HNRNPH3: variants seen among roughly 807,000 people sequenced by gnomAD.
HNRNPH3 encodes heterogeneous nuclear ribonucleoprotein H3.
Under a neutral mutation model 47.0 loss-of-function variants are expected in HNRNPH3, and 7 were observed. That is an observed-to-expected ratio of 0.15 (90% CI 0.08 to 0.28). The LOEUF is 0.28. Ranked by LOEUF, HNRNPH3 falls within the 10% of genes least tolerant of loss-of-function variation. The pLI is 1.00. For synonymous variants in HNRNPH3, 120 were observed against 143.2 expected (o/e 0.84, Z 1.16); for missense variants, 279 against 449.6 (o/e 0.62, Z 3.43).
At chr10:68,339,380 T>C (rs1564753198) in intron 5 of HNRNPH3, 60 bp from the exon 6 acceptor site, 23 of 1,516,234 alleles carry the variant, frequency 1.5e-5, no homozygotes, top group Non-Finnish European at 1.9e-5. Flanking sequence ...ATAGTATGTA[T>C]GTATACTTCC....
At position 68,342,818 on chromosome 10, in the gene HNRNPH3, C is replaced by A. The variant is rs1280001575; in HGVS notation, c.*764C>A. The A allele has an allele frequency of 6.6e-6, 1 of 152,462 alleles. No homozygotes were observed. 9.4% of individuals were successfully genotyped at this position (152,462 alleles called of 1,614,324 possible). On this transcript the variant is annotated 3_prime_UTR_variant, in exon 10 of 10. Transcript: ENST00000265866. Reference sequence around the variant, plus strand: ...TAAGGTTCTCAGTGACACAAGAATTCAGTATTAAGTACATAGGTATTTACT... The same window carrying A: ...TAAGGTTCTCAGTGACACAAGAATTAAGTATTAAGTACATAGGTATTTACT...
At chr10:68,335,882 A>T (rs749868443) in intron 1 of HNRNPH3, among the ~76,000 whole-genome samples, 2 of 152,190 alleles carry the variant, frequency 1.3e-5, no homozygotes, top group African/African-American at 2.4e-5. Context: ...GTGCATAACA[A>T]GTAGTTGTAA....
rs1424454324 is a variant in HNRNPH3, at chr10:68,343,186, A to AGAT, written c.*1133_*1135dup. 6.6e-6 allele frequency: 1 copy of AGAT among 152,162 alleles called. No homozygotes were observed. The highest frequency in any genetic ancestry group is 1.5e-5 in the Non-Finnish European group (1 of 68,030). The allele number at this position is 152,162 out of a possible 1,614,324, so 9.4% of individuals were successfully genotyped here. A position where few individuals can be genotyped will look rare whatever the true frequency, so the allele number is the denominator to read the frequency against. On this transcript the variant is annotated 3_prime_UTR_variant, in exon 10 of 10. Coordinates refer to ENST00000265866, the MANE Select transcript of HNRNPH3 (RefSeq NM_012207.3). ...TGTTATTAATAAATGTCATTGTGGG[A>AGAT]GATAATAGTATGGCGTCTGTCCTAG...
In HNRNPH3 at chr10:68,338,651, G is replaced by A. The variant is rs756561116; in HGVS notation, c.400G>A (p.Asp134Asn). 2 of 1,605,584 alleles carry A rather than the reference G, an allele frequency of 1.2e-6. No homozygotes were observed. Among genetic ancestry groups the A allele is most frequent in the Non-Finnish European group, 1.7e-6 (2 of 1,176,154 alleles). The change falls in exon 4 of 10, where the codon GAC (aspartate) becomes AAC (asparagine). Residue 134 changes from aspartate to asparagine, a missense_variant. By Grantham distance (23) the Asp-to-Asn change is conservative. Transcript: ENST00000265866. ...TGGAGCTGGGCGTGGAAGTATGTATGACAGAATGCGACGAGGAGGTGATGG... is the reference window on the plus strand; with the variant it reads ...TGGAGCTGGGCGTGGAAGTATGTATAACAGAATGCGACGAGGAGGTGATGG... Reference protein sequence around the residue: ...YYGAGRGSMYDRMRRGGDGYD... With the variant: ...YYGAGRGSMYNRMRRGGDGYD...
chr10:68,332,434 A>G (rs934621440), intron 1 of HNRNPH3, among the ~76,000 whole-genome samples: 1 of 152,162 alleles, frequency 6.6e-6, no homozygotes, highest in Non-Finnish European at 1.5e-5. Context: ...AATTCAGTGG[A>G]CGACGCCGAG....
At chr10:68,341,044 G>C in intron 6 of HNRNPH3, 130 bp from the exon 7 acceptor site, 1 of 615,364 alleles carries the variant, frequency 1.6e-6, no homozygotes, top group East Asian at 2.9e-5. Context: ...AACCTCTGTA[G>C]TTGACTAAGT....
rs148334349 is a variant in HNRNPH3 at position 68,339,574 on chromosome 10, CTA to C, written c.639+21_639+22del. 10,485 of 1,455,622 alleles carry C rather than the reference CTA, an allele frequency of 7.2e-3. 556 individuals are homozygous for C. In the African/African-American group the frequency reaches 0.12, roughly 17 times the overall value. 90.2% of individuals were successfully genotyped at this position (1,455,622 alleles called of 1,614,324 possible). A position where few individuals can be genotyped will look rare whatever the true frequency, so the allele number is the denominator to read the frequency against. ...TGCTAATGTGAGTAATTTTTAATAA[CTA>C]TTAGTGGTTTTATACTTATCCTGGT... On this transcript the variant is annotated intron_variant, in intron 6 of 9. Coordinates refer to ENST00000265866, the MANE Select transcript of HNRNPH3 (RefSeq NM_012207.3).
intron 1 of HNRNPH3, among the ~76,000 whole-genome samples, chr10:68,333,990 G>A (rs1415035364): frequency 6.6e-6 from 1 of 152,034 alleles, no homozygotes; most frequent in Non-Finnish European, 1.5e-5. Flanking sequence ...TCTTTTTTCT[G>A]TCCTCTTTTC....
intron 1 of HNRNPH3, chr10:68,332,844 G>C (rs2134620338): frequency 6.6e-6 from 1 of 152,500 alleles, no homozygotes; most frequent in South Asian, 2.1e-4. Context: ...AGAGGCTGGA[G>C]CTGGGGGAGG....
chr10:68,341,559 T>G (rs754642956), intron 7 of HNRNPH3, 26 bp from the exon 8 acceptor site: 5 of 1,445,714 alleles, frequency 3.5e-6, no homozygotes, highest in Non-Finnish European at 3.8e-6. Flanking sequence ...CTTTCTCCCC[T>G]GTTACTCTTT....
intron 7 of HNRNPH3, 43 bp from the exon 8 acceptor site, chr10:68,341,542 A>T: frequency 7.5e-7 from 1 of 1,334,030 alleles, no homozygotes; most frequent in Non-Finnish European, 1.1e-6. Flanking sequence ...AATTTTATCC[A>T]TCATTCCTTT....
rs1364229080 is a variant in HNRNPH3 at position 68,338,485 on chromosome 10, T to G, written c.252-18T>G. On this transcript the variant is annotated intron_variant, in intron 3 of 9. Transcript: ENST00000265866. ...TACATTTATGCTGAAACCTGTACCT[T>G]AAAACATTTTTAAATAGGTATATTG... 1 of 1,546,800 alleles carries G rather than the reference T, an allele frequency of 6.5e-7. No homozygotes were observed. The highest frequency in any genetic ancestry group is 1.8e-5 in the Admixed American group (1 of 55,698).
Position 68,338,610 on chromosome 10 carries a change from G to A in HNRNPH3, c.359G>A (p.Gly120Glu). 4 of 1,613,304 alleles carry A rather than the reference G, an allele frequency of 2.5e-6. No homozygotes were observed. The highest frequency in any genetic ancestry group is 3.4e-6 in the Non-Finnish European group (4 of 1,179,568). The part of the protein sequence containing the change: ...RPGPYDRPIG[G>E]RGGYYGAGRG... ...GGACCATATGATAGACCAATAGGAG[G>A]AAGAGGGGGTTATTATGGAGCTGGG... is the stretch of plus-strand genomic sequence containing the variant. The change falls in exon 4 of 10, where the codon GGA becomes GAA. Residue 120 changes from glycine (G) to glutamate (E), a missense_variant. Physicochemically the swap from Gly to Glu is moderately conservative, Grantham distance 98. Coordinates refer to ENST00000265866, the MANE Select transcript of HNRNPH3 (RefSeq NM_012207.3).
chr10:68,334,752 T>G (rs922237274), intron 1 of HNRNPH3, among the ~76,000 whole-genome samples: 3 of 152,198 alleles, frequency 2.0e-5, no homozygotes, highest in African/African-American at 7.2e-5. Context: ...GTGGTATCTT[T>G]TATTGGTACT....
rs1392281404 is a variant in HNRNPH3, at chr10:68,339,136, A to C, written c.437-4A>C. 6 of 1,592,252 alleles carry C rather than the reference A, an allele frequency of 3.8e-6. No homozygotes were observed. The highest frequency in any genetic ancestry group is 5.1e-6 in the Non-Finnish European group (6 of 1,166,304). On this transcript the variant is annotated splice_region_variant and splice_polypyrimidine_tract_variant and intron_variant, in intron 4 of 9. Transcript: ENST00000265866. ...AGTCATGTGTTTCTCCTTAAATTAC[A>C]CAGGTTATGGAGGTTTTGATGACTA...
intron 6 of HNRNPH3, among the ~76,000 whole-genome samples, chr10:68,340,697 C>G (rs936085142): frequency 3.3e-5 from 5 of 152,184 alleles, no homozygotes. Context: ...GTGATTAGAA[C>G]CAAATGATAT....
Position 68,342,996 on chromosome 10 carries a change from G to A in HNRNPH3, c.*942G>A, listed in dbSNP as rs954225435. 3 of 152,118 alleles carry A rather than the reference G, an allele frequency of 2.0e-5. No homozygotes were observed. Among genetic ancestry groups the A allele is most frequent in the Admixed American group, 2.0e-4 (3 of 15,266 alleles). The allele number at this position is 152,118 out of a possible 1,614,324, so 9.4% of individuals were successfully genotyped here. Reference sequence around the variant, plus strand: ...CAGTTGGGTTTTGTATCTGATCCCTGCTTGGAGTTTTAGTTTAAAGAATCT... The same window carrying A: ...CAGTTGGGTTTTGTATCTGATCCCTACTTGGAGTTTTAGTTTAAAGAATCT... On this transcript the variant is annotated 3_prime_UTR_variant, in exon 10 of 10. Transcript: ENST00000265866.
Position 68,337,097 on chromosome 10 carries a change from T to A in HNRNPH3, c.-23-102T>A. ...CATTGTCACAGCAGTTGGCCCCATG[T>A]TACATTTCCTCTTGTGGCACCTCTG... On this transcript the variant is annotated intron_variant, in intron 1 of 9. Transcript: ENST00000265866. This position sits in a 1 kb window ranked among gnomAD's most constrained non-coding sequence, Gnocchi z 4.5. The A allele has an allele frequency of 1.7e-6, 1 of 577,608 alleles. No individual in the cohort carries two copies. Among genetic ancestry groups the A allele is most frequent in the Non-Finnish European group, 3.1e-6 (1 of 323,330 alleles). 35.8% of individuals were successfully genotyped at this position (577,608 alleles called of 1,614,324 possible).
chr10:68,332,100 C>T lies in HNRNPH3; in HGVS notation c.-140C>T, dbSNP rs969732792. 3 of 152,352 alleles carry T rather than the reference C, an allele frequency of 2.0e-5. No individual in the cohort carries two copies. The highest frequency in any genetic ancestry group is 4.4e-5 in the Non-Finnish European group (3 of 68,122). 9.4% of individuals were successfully genotyped at this position (152,352 alleles called of 1,614,324 possible). ...TGCGCAGCTCCCTAAGCGGTTGTCA[C>T]CGCTGGAGACGGTTGGGAGAACCGT... On this transcript the variant is annotated 5_prime_UTR_variant, in exon 1 of 10. Coordinates refer to ENST00000265866, the MANE Select transcript of HNRNPH3 (RefSeq NM_012207.3).
Sources: gnomAD v4.1 joint callset for allele counts (sites outside exome capture counted in the v4.1 genomes callset) on GRCh38, gnomAD v4.1.1 for gene constraint, Gnocchi (gnomAD v3.1) non-coding constraint, MANE v1.5 for transcripts, NCBI Gene and HGNC (gene_info 2026-07-23, HGNC 2026-07-21) for gene names.